ANO3: variants seen among roughly 807,000 people sequenced by gnomAD.
The protein encoded by ANO3 is anoctamin-3.
ANO3 carries 99 observed loss-of-function variants against 144.8 expected under a neutral mutation model. The ratio of observed to expected loss-of-function variants is 0.68; its 90% CI spans 0.58 to 0.81. The LOEUF (loss-of-function observed/expected upper bound fraction) is 0.81, where lower values mean the gene tolerates loss of function less well. Ranked by LOEUF, ANO3 falls within the 30% of genes least tolerant of loss-of-function variation. The pLI is 0.00. For synonymous variants in ANO3, 414 were observed against 392.6 expected, an observed-to-expected ratio of 1.05 and a Z score of -0.64; for missense variants, 905 against 1,202.2, an observed-to-expected ratio of 0.75 and a Z score of 3.66.
At chr11:26,460,418 AAG>A (rs1859347109) in intron 3 of ANO3, among the ~76,000 whole-genome samples, 1 of 17,954 alleles carries the variant, frequency 5.6e-5, no homozygotes, top group Admixed American at 1.1e-3. Flanking sequence ...AAGAAGAAGA[AAG>A]GGGGGGGGGC....
At chr11:26,639,061 T>C in intron 20 of ANO3, 83 bp from the exon 21 acceptor site, 1 of 921,288 alleles carries the variant, frequency 1.1e-6, no homozygotes, top group Non-Finnish European at 1.8e-6. Flanking sequence ...GCTTTAAAAT[T>C]TGCTGTACAA....
chr11:26,244,301 G>A (rs548163855), intron 1 of ANO3, among the ~76,000 whole-genome samples: 17 of 152,242 alleles, frequency 1.1e-4, no homozygotes, highest in Non-Finnish European at 2.4e-4. Context: ...AAATCTCTGA[G>A]TGGCTTCAGC....
chr11:26,372,735 G>A (rs1856296265), intron 1 of ANO3, among the ~76,000 whole-genome samples: 1 of 152,214 alleles, frequency 6.6e-6, no homozygotes, highest in South Asian at 2.1e-4. Context: ...TAAAGGACGT[G>A]CATAACATAT....
chr11:26,410,881 G>T (rs1194695862), intron 1 of ANO3, among the ~76,000 whole-genome samples: 2 of 151,976 alleles, frequency 1.3e-5, no homozygotes, highest in Non-Finnish European at 2.9e-5. Flanking sequence ...AATTTCCATT[G>T]TTGGGAGGAT....
intron 1 of ANO3, among the ~76,000 whole-genome samples, chr11:26,389,786 A>G (rs1463493499): frequency 1.3e-5 from 2 of 152,130 alleles, no homozygotes; most frequent in Non-Finnish European, 2.9e-5. Context: ...CTTTTTGAAT[A>G]AAAGATTCTA....
chr11:26,353,905 A>G lies in ANO3; in HGVS notation c.46+21584A>G, dbSNP rs188794821. 8.8e-3 allele frequency among the ~76,000 whole-genome samples: 1,343 copies of G among 152,256 alleles called. 8 individuals are homozygous for G. Among genetic ancestry groups the G allele is most frequent in the Non-Finnish European group, 0.014 (967 of 68,024 alleles). On this transcript the variant is annotated intron_variant, in intron 1 of 26. Coordinates refer to ENST00000256737, the MANE Select transcript of ANO3 (RefSeq NM_031418.4). ...TACTTGTCTGTCACTACCAATTTTA[A>G]CAAGTTGAAGAACACATTCTCATTT...
intron 1 of ANO3, among the ~76,000 whole-genome samples, chr11:26,321,314 C>T (rs1854755302): frequency 6.6e-6 from 1 of 152,036 alleles, no homozygotes; most frequent in African/African-American, 2.4e-5. Context: ...CTCCCAACCA[C>T]CTGGATTTGC....
intron 1 of ANO3, among the ~76,000 whole-genome samples, chr11:26,380,391 A>G (rs1455755265): frequency 6.6e-6 from 1 of 152,234 alleles, no homozygotes; most frequent in African/African-American, 2.4e-5. Context: ...TCTGGCTGCT[A>G]TAACAAAATA....
At chr11:26,223,780 T>C (rs1015625662) in intron 1 of ANO3, among the ~76,000 whole-genome samples, 4 of 151,824 alleles carry the variant, frequency 2.6e-5, no homozygotes, top group East Asian at 2.0e-4. Context: ...GCAATATTCA[T>C]GGCTAGAGCA....
At chr11:26,385,075 T>G (rs1477660208) in intron 1 of ANO3, among the ~76,000 whole-genome samples, 1 of 152,070 alleles carries the variant, frequency 6.6e-6, no homozygotes, top group Admixed American at 6.6e-5. Flanking sequence ...GGTATTAATA[T>G]TCTTAGTGTA....
At chr11:26,386,385 T>C (rs1856733191) in intron 1 of ANO3, among the ~76,000 whole-genome samples, 1 of 152,152 alleles carries the variant, frequency 6.6e-6, no homozygotes, top group South Asian at 2.1e-4. Context: ...TGTTAGTTAA[T>C]GTGGAAGTTT....
intron 1 of ANO3, among the ~76,000 whole-genome samples, chr11:26,426,595 A>G (rs1231680987): frequency 6.6e-6 from 1 of 152,216 alleles, no homozygotes; most frequent in African/African-American, 2.4e-5. Context: ...CAAATAAAGT[A>G]TGGTTTGCCC....
chr11:26,650,102 CA>C (rs148315619), intron 24 of ANO3, among the ~76,000 whole-genome samples: 1,989 of 152,178 alleles, frequency 0.013, 43 homozygotes, highest in African/African-American at 0.045. Context: ...TAATTTCAAG[CA>C]AAGATGTGGA....
chr11:26,502,902 T>C (rs1861258101), intron 4 of ANO3, among the ~76,000 whole-genome samples: 2 of 150,954 alleles, frequency 1.3e-5, no homozygotes, highest in Non-Finnish European at 3.0e-5. Context: ...GTTACTGCTC[T>C]AATCTTATTT....
chr11:26,438,673 G>A (rs966446728), intron 1 of ANO3, among the ~76,000 whole-genome samples: 9 of 151,266 alleles, frequency 5.9e-5, no homozygotes, highest in African/African-American at 2.2e-4. Context: ...AGCTACTCGG[G>A]GGGCTGGGGC....
intron 4 of ANO3, among the ~76,000 whole-genome samples, chr11:26,475,380 G>A (rs1279752504): frequency 1.3e-5 from 2 of 151,664 alleles, no homozygotes; most frequent in African/African-American, 4.8e-5. Flanking sequence ...AGCTTTTTTT[G>A]TAACTCTATG....
intron 22 of ANO3, 123 bp from the exon 23 acceptor site, chr11:26,643,058 TA>T: frequency 1.2e-6 from 1 of 827,186 alleles, no homozygotes; most frequent in South Asian, 1.7e-5. Flanking sequence ...GTCCTAACTG[TA>T]AAATGAGATA....
chr11:26,469,340 G>A (rs996801486), intron 4 of ANO3, among the ~76,000 whole-genome samples: 5 of 151,864 alleles, frequency 3.3e-5, no homozygotes, highest in African/African-American at 9.7e-5. Context: ...GTGTGCAGGC[G>A]CATGTGAGGG....
intron 1 of ANO3, among the ~76,000 whole-genome samples, chr11:26,209,624 T>C (rs1161997282): frequency 1.3e-5 from 2 of 152,184 alleles, no homozygotes; most frequent in Admixed American, 6.5e-5. Flanking sequence ...TGTAAAAGCG[T>C]TCCTATTTCT....
Sources: gnomAD v4.1 joint callset for allele counts (sites outside exome capture counted in the v4.1 genomes callset) on GRCh38, gnomAD v4.1.1 for gene constraint, MANE v1.5 for transcripts, NCBI Gene and HGNC (gene_info 2026-07-23, HGNC 2026-07-21) for gene names.